The following PLCB1 variants were observed in gnomAD, a reference collection of about 807,000 sequenced individuals.
PLCB1 encodes the protein phospholipase C beta 1.
A neutral mutation model predicts 161.8 loss-of-function variants in PLCB1; 46 were observed. The observed-to-expected ratio is 0.28, with a 90% CI of 0.22 to 0.36. The LOEUF (loss-of-function observed/expected upper bound fraction) is 0.36. PLCB1 is among the 10% of genes least tolerant of loss of function. PLCB1 has a pLI of 1.00. For missense variants in PLCB1, 1,016 were observed against 1,472.5 expected (o/e 0.69, Z 5.07); for synonymous variants, 517 against 503.7 (o/e 1.03, Z -0.35).
At chr20:8,413,777 CA>C (rs1310042412) in intron 3 of PLCB1, among the ~76,000 whole-genome samples, 1 of 152,176 alleles carries the variant, frequency 6.6e-6, no homozygotes, top group Non-Finnish European at 1.5e-5. Context: ...TTCACTGTCT[CA>C]GATTAGACTT....
chr20:8,407,038 C>T (rs1397946234), intron 3 of PLCB1, among the ~76,000 whole-genome samples: 1 of 152,182 alleles, frequency 6.6e-6, no homozygotes, highest in Non-Finnish European at 1.5e-5. Context: ...TCTGAGGCTA[C>T]ACAGCCCATT....
At chr20:8,776,449 C>G (rs139468765) in intron 27 of PLCB1, among the ~76,000 whole-genome samples, 191 of 152,252 alleles carry the variant, frequency 1.3e-3, no homozygotes, top group African/African-American at 4.3e-3. Context: ...GTGTCCTGCT[C>G]ACACAGAGAG....
At position 8,757,065 on chromosome 20, in the gene PLCB1, C is replaced by T. The variant is rs2123562586; in HGVS notation, c.2543C>T (p.Pro848Leu). ...VKKEADPGET[P>L]SEAPSEARTT... ...TTTTAGGCTGATCCTGGAGAAACAC[C>T]ATCAGAGGCTCCAAGTGAAGCGAGA... The change falls in exon 24 of 32, where the codon CCA (proline) becomes CTA (leucine). Residue 848 changes from proline to leucine, a missense_variant. Transcript: ENST00000338037. 6.2e-7 allele frequency: 1 copy of T among 1,607,622 alleles called. No individual in the cohort carries two copies.
chr20:8,250,993 A>G (rs189641432), intron 2 of PLCB1, among the ~76,000 whole-genome samples: 4 of 152,092 alleles, frequency 2.6e-5, no homozygotes. Context: ...AGACTGGTTA[A>G]TTTATAAACA....
chr20:8,656,155 G>A (rs144262904), intron 7 of PLCB1, among the ~76,000 whole-genome samples: 5 of 151,878 alleles, frequency 3.3e-5, no homozygotes, highest in South Asian at 2.1e-4. Flanking sequence ...TGTATTGTTC[G>A]GTTGTCTCAA....
chr20:8,658,554 C>G lies in PLCB1; in HGVS notation c.712C>G (p.Pro238Ala). 6.2e-7 allele frequency: 1 copy of G among 1,604,396 alleles called. No individual in the cohort carries two copies. The change falls in exon 9 of 32, where the codon CCA becomes GCA. Residue 238 changes from proline to alanine, a missense_variant. By Grantham distance (27) the Pro-to-Ala change is conservative. Transcript: ENST00000338037. The stretch of plus-strand genomic sequence containing the variant: ...TGTTTTTAGTGGTGCAAAAAGCAAA[C>G]CATATCTTACCGTTGATCAGATGAT... The part of the protein sequence containing the change: ...IFSEFGAKSK[P>A]YLTVDQMMDF...
chr20:8,462,642 C>G (rs935884988), intron 3 of PLCB1, among the ~76,000 whole-genome samples: 2 of 152,086 alleles, frequency 1.3e-5, no homozygotes, highest in African/African-American at 4.8e-5. Context: ...TTAAAGTAAA[C>G]CAACCAATTT....
intron 29 of PLCB1, among the ~76,000 whole-genome samples, chr20:8,789,100 T>C (rs896919169): frequency 3.3e-5 from 5 of 152,302 alleles, no homozygotes; most frequent in South Asian, 4.1e-4. Context: ...GTAATAAGAA[T>C]GTTGCTATGG....
At chr20:8,478,412 G>A (rs1272411511) in intron 3 of PLCB1, among the ~76,000 whole-genome samples, 2 of 151,974 alleles carry the variant, frequency 1.3e-5, no homozygotes, top group Non-Finnish European at 2.9e-5. Flanking sequence ...TTTGAATTTA[G>A]GCTTCACAGA....
At chr20:8,668,142 G>C (rs74583722) in intron 9 of PLCB1, among the ~76,000 whole-genome samples, 1 of 142,132 alleles carries the variant, frequency 7.0e-6, no homozygotes, top group Non-Finnish European at 1.5e-5. Context: ...GTCGAATGCA[G>C]AAAAAAAAAA....
chr20:8,714,967 C>G (rs1192999637), intron 12 of PLCB1, among the ~76,000 whole-genome samples: 1 of 151,750 alleles, frequency 6.6e-6, no homozygotes, highest in Non-Finnish European at 1.5e-5. Flanking sequence ...AGCCCATGAT[C>G]CAGGCTTAAA....
At chr20:8,354,054 C>T (rs1302040798) in intron 2 of PLCB1, among the ~76,000 whole-genome samples, 6 of 150,156 alleles carry the variant, frequency 4.0e-5, no homozygotes, top group South Asian at 2.1e-4. Context: ...AACATATAAT[C>T]GTGGTGGCCT....
intron 9 of PLCB1, among the ~76,000 whole-genome samples, chr20:8,681,084 G>GTATATATATATATA (rs1205332253): frequency 5.0e-5 from 2 of 39,792 alleles, no homozygotes; most frequent in Non-Finnish European, 9.3e-5. Context: ...ATATGTGTGT[G>GTATATATATATATA]TGTATATATA....
At chr20:8,414,178 A>G (rs1000587326) in intron 3 of PLCB1, among the ~76,000 whole-genome samples, 1 of 152,156 alleles carries the variant, frequency 6.6e-6, no homozygotes, top group Non-Finnish European at 1.5e-5. Flanking sequence ...AAATGAAGAG[A>G]TCTGTTTTCT....
intron 31 of PLCB1, among the ~76,000 whole-genome samples, chr20:8,800,318 T>C (rs376342729): frequency 1.3e-3 from 191 of 152,350 alleles, no homozygotes; most frequent in African/African-American, 4.4e-3. Context: ...ACATTTTCTG[T>C]CAACAGAAAT....
intron 3 of PLCB1, among the ~76,000 whole-genome samples, chr20:8,413,299 T>C (rs2122518500): frequency 6.6e-6 from 1 of 152,330 alleles, no homozygotes; most frequent in African/African-American, 2.4e-5. Flanking sequence ...TATTAATGTT[T>C]CCCTTTCGTT....
intron 3 of PLCB1, among the ~76,000 whole-genome samples, chr20:8,442,984 T>TG (rs1980633075): frequency 6.7e-6 from 1 of 149,530 alleles, no homozygotes; most frequent in African/African-American, 2.5e-5. Flanking sequence ...GTTTTTTTTT[T>TG]TGTTTTTTTT....
intron 3 of PLCB1, among the ~76,000 whole-genome samples, chr20:8,522,071 C>A (rs941062512): frequency 4.3e-4 from 66 of 152,288 alleles, no homozygotes; most frequent in African/African-American, 1.2e-3. Flanking sequence ...GAGTCACCTT[C>A]TCCTGTGATA....
At chr20:8,804,604 A>G (rs1263961249) in intron 31 of PLCB1, among the ~76,000 whole-genome samples, 2 of 152,184 alleles carry the variant, frequency 1.3e-5, no homozygotes, top group South Asian at 2.1e-4. Context: ...ACTAATTTTA[A>G]TATTTCCCCA....
Sources: gnomAD v4.1 joint callset for allele counts (sites outside exome capture counted in the v4.1 genomes callset) on GRCh38, gnomAD v4.1.1 for gene constraint, MANE v1.5 for transcripts, NCBI Gene and HGNC (gene_info 2026-07-23, HGNC 2026-07-21) for gene names.